The following PRKCA variants were observed in gnomAD, a reference collection of about 807,000 sequenced individuals.
PRKCA encodes protein kinase C alpha type.
Under a neutral mutation model 87.0 loss-of-function variants are expected in PRKCA, and 27 were observed. That is an observed-to-expected ratio of 0.31 (90% CI 0.23 to 0.43). PRKCA has a LOEUF of 0.43. PRKCA is among the 20% of genes least tolerant of loss of function. The probability of loss-of-function intolerance (pLI) is 1.00; values close to 1 mark genes in which losing one functional copy is unlikely to be tolerated. For synonymous variants in PRKCA, 329 were observed against 311.1 expected, an observed-to-expected ratio of 1.06 and a Z score of -0.61; for missense variants, 518 against 852.3, an observed-to-expected ratio of 0.61 and a Z score of 4.88.
In PRKCA at chr17:66,697,161, AG is replaced by A. The variant is rs555107789; in HGVS notation, c.918+8115del. On this transcript the variant is annotated intron_variant, in intron 8 of 16. Transcript: ENST00000413366. Reference sequence around the variant, plus strand: ...AGTCTGTCTACCTCTTGTGATTTGAAGCACATTGTCAGCTAAATAATCACAT... The same window carrying A: ...AGTCTGTCTACCTCTTGTGATTTGAACACATTGTCAGCTAAATAATCACAT... Among the ~76,000 whole-genome samples the A allele has an allele frequency of 1.8e-3, 278 of 152,364 alleles. 2 individuals are homozygous for A. Among genetic ancestry groups the A allele is most frequent in the African/African-American group, 6.5e-3 (270 of 41,590 alleles).
intron 5 of PRKCA, among the ~76,000 whole-genome samples, chr17:66,651,873 T>A (rs1567955956): frequency 1.3e-5 from 2 of 152,230 alleles, no homozygotes; most frequent in African/African-American, 4.8e-5. Context: ...TTGTTTGTAA[T>A]TAATAAGGAA....
chr17:66,713,049 CTTTTT>C (rs564655403), intron 8 of PRKCA, among the ~76,000 whole-genome samples: 1,430 of 104,404 alleles, frequency 0.014, 15 homozygotes, highest in Middle Eastern at 0.027. Context: ...CTTTGTTGTC[CTTTTT>C]TTTTTTTTTT....
At chr17:66,358,678 T>A (rs1908210016) in intron 2 of PRKCA, among the ~76,000 whole-genome samples, 1 of 152,198 alleles carries the variant, frequency 6.6e-6, no homozygotes, top group Non-Finnish European at 1.5e-5. Context: ...ACCTTTTTTC[T>A]TGTCCTCTTA....
chr17:66,620,059 ACCCATAAG>A (rs1378399521), intron 3 of PRKCA, among the ~76,000 whole-genome samples: 4 of 152,138 alleles, frequency 2.6e-5, no homozygotes, highest in African/African-American at 9.7e-5. Context: ...GGTAACATAG[ACCCATAAG>A]CACATGCTCC....
chr17:66,648,048 C>T (rs1441942107), intron 5 of PRKCA, among the ~76,000 whole-genome samples: 1 of 152,046 alleles, frequency 6.6e-6, no homozygotes, highest in Non-Finnish European at 1.5e-5. Flanking sequence ...AGTACAAGAT[C>T]GAGGCCCCAG....
At chr17:66,751,212 G>A (rs8070904) in intron 13 of PRKCA, among the ~76,000 whole-genome samples, 14 of 152,296 alleles carry the variant, frequency 9.2e-5, no homozygotes, top group African/African-American at 2.6e-4. Flanking sequence ...CTTGCTATGC[G>A]CCACGCACTT....
intron 5 of PRKCA, among the ~76,000 whole-genome samples, chr17:66,680,223 A>AGTTT (rs918338380): frequency 5.9e-5 from 9 of 152,194 alleles, no homozygotes; most frequent in African/African-American, 1.7e-4. Context: ...AACAAAGAAG[A>AGTTT]GTTTGTTTGT....
At chr17:66,461,151 C>T (rs999031787) in intron 2 of PRKCA, among the ~76,000 whole-genome samples, 8 of 147,594 alleles carry the variant, frequency 5.4e-5, no homozygotes, top group Admixed American at 1.4e-4. Flanking sequence ...GGCTGCGGTA[C>T]GCTATGTTCA....
intron 16 of PRKCA, chr17:66,796,646 G>C: frequency 1.0e-6 from 1 of 985,362 alleles, no homozygotes; most frequent in Non-Finnish European, 1.2e-6. Flanking sequence ...CCAATGGCCA[G>C]ACCCCTTTGC....
At chr17:66,729,030 TTTCTTA>T (rs754185556) in intron 8 of PRKCA, among the ~76,000 whole-genome samples, 9 of 152,252 alleles carry the variant, frequency 5.9e-5, no homozygotes, top group Non-Finnish European at 1.2e-4. Flanking sequence ...TGGTAACTTT[TTTCTTA>T]TTCTAAGTCA....
At chr17:66,765,156 G>A (rs1016871470) in intron 13 of PRKCA, among the ~76,000 whole-genome samples, 13 of 152,214 alleles carry the variant, frequency 8.5e-5, no homozygotes, top group Middle Eastern at 6.8e-3. Context: ...GCTCACGCCT[G>A]TAATCCCAGC....
intron 3 of PRKCA, among the ~76,000 whole-genome samples, chr17:66,558,120 G>T (rs898149873): frequency 3.3e-5 from 5 of 152,258 alleles, no homozygotes; most frequent in African/African-American, 1.2e-4. Flanking sequence ...GTGAAATGTG[G>T]CAGGGCCTTG....
chr17:66,530,999 G>A (rs768319417), intron 3 of PRKCA, among the ~76,000 whole-genome samples: 27 of 152,088 alleles, frequency 1.8e-4, no homozygotes, highest in Admixed American at 2.6e-4. Flanking sequence ...GGGACACAAG[G>A]GCCCACGTTG....
intron 5 of PRKCA, among the ~76,000 whole-genome samples, chr17:66,679,388 A>T (rs1972429440): frequency 6.6e-6 from 1 of 152,010 alleles, no homozygotes; most frequent in Non-Finnish European, 1.5e-5. Context: ...TCACCGTGTT[A>T]GCCAGGATGG....
chr17:66,561,988 A>C (rs556214469), intron 3 of PRKCA, among the ~76,000 whole-genome samples: 136 of 150,022 alleles, frequency 9.1e-4, no homozygotes, highest in African/African-American at 3.2e-3. Flanking sequence ...AATAGTGTGA[A>C]TGTACTTACT....
chr17:66,776,277 G>A (rs1975045656), intron 14 of PRKCA, among the ~76,000 whole-genome samples: 1 of 152,154 alleles, frequency 6.6e-6, no homozygotes, highest in Admixed American at 6.5e-5. Context: ...TGGGGCATCA[G>A]GTAGAGTGAG....
intron 3 of PRKCA, among the ~76,000 whole-genome samples, chr17:66,585,498 C>A (rs185946714): frequency 1.6e-3 from 249 of 152,348 alleles, no homozygotes; most frequent in Middle Eastern, 3.4e-3. Context: ...TAAATAATTT[C>A]TTTCTAGTTC....
intron 2 of PRKCA, among the ~76,000 whole-genome samples, chr17:66,322,982 T>C (rs921833956): frequency 1.3e-5 from 2 of 152,232 alleles, no homozygotes; most frequent in Non-Finnish European, 2.9e-5. Flanking sequence ...GTAATCACTA[T>C]TATGACTTTT....
intron 16 of PRKCA, among the ~76,000 whole-genome samples, chr17:66,801,139 G>T (rs1016377526): frequency 6.6e-6 from 1 of 152,188 alleles, no homozygotes; most frequent in African/African-American, 2.4e-5. Flanking sequence ...ACATACGGCT[G>T]CTCCTGCCTG....
Sources: allele counts gnomAD v4.1 joint callset (sites outside exome capture counted in the v4.1 genomes callset), GRCh38; gene constraint gnomAD v4.1.1; transcripts MANE v1.5; gene names NCBI Gene and HGNC (gene_info 2026-07-23, HGNC 2026-07-21).